NEO1: variants seen among roughly 807,000 people sequenced by gnomAD.
NEO1 encodes the protein neogenin 1, also known as neogenin.
In NEO1, 63 loss-of-function variants were observed where a neutral mutation model predicts 159.7. The ratio of observed to expected loss-of-function variants is 0.39; its 90% CI spans 0.32 to 0.49. The LOEUF (loss-of-function observed/expected upper bound fraction) is 0.49. Among genes scored for constraint, NEO1 ranks in the 20% least tolerant of loss-of-function variants. The pLI is 0.85. For synonymous variants in NEO1, 633 were observed against 662.0 expected (o/e 0.96, Z 0.67); for missense variants, 1,615 against 1,831.0 (o/e 0.88, Z 2.15).
rs771397795 is a variant in NEO1 at position 73,272,570 on chromosome 15, G to C, written c.2965+8G>C. ...CCAATGGCAAAATTACAGGTAAAATGCAATCAAGTGTGCATTTCTTTGTGC... is the reference window on the plus strand; with the variant it reads ...CCAATGGCAAAATTACAGGTAAAATCCAATCAAGTGTGCATTTCTTTGTGC... On this transcript the variant is annotated splice_region_variant and intron_variant, in intron 19 of 28. Transcript: ENST00000261908. 6.4e-7 allele frequency: 1 copy of C among 1,562,780 alleles called. No individual in the cohort carries two copies. Among genetic ancestry groups the C allele is most frequent in the Non-Finnish European group, 8.8e-7 (1 of 1,132,982 alleles).
chr15:73,093,448 C>A (rs1056250191), intron 1 of NEO1, among the ~76,000 whole-genome samples: 1 of 152,086 alleles, frequency 6.6e-6, no homozygotes, highest in Non-Finnish European at 1.5e-5. Context: ...CTTTTTTCTC[C>A]ATTTAAAAAT....
intron 4 of NEO1, among the ~76,000 whole-genome samples, chr15:73,134,592 C>T (rs2031530134): frequency 6.6e-6 from 1 of 151,310 alleles, no homozygotes; most frequent in Admixed American, 6.6e-5. Context: ...GCTCTGTTGC[C>T]CAAGCTGGAG....
intron 21 of NEO1, 68 bp downstream of exon 21, chr15:73,274,792 GTTTC>G (rs1261964404): frequency 2.7e-5 from 33 of 1,210,812 alleles, no homozygotes; most frequent in Non-Finnish European, 3.5e-5. Flanking sequence ...TTTGGTTTTT[GTTTC>G]TTTTTTTTTT....
chr15:73,226,053 C>A (rs1203086369), intron 7 of NEO1, among the ~76,000 whole-genome samples: 1 of 152,168 alleles, frequency 6.6e-6, no homozygotes, highest in Middle Eastern at 3.2e-3. Context: ...CCTCAAACAA[C>A]CTTCAGTTTC....
At chr15:73,057,836 A>G (rs566832577) in intron 1 of NEO1, among the ~76,000 whole-genome samples, 39 of 152,296 alleles carry the variant, frequency 2.6e-4, no homozygotes, top group Middle Eastern at 3.4e-3. Context: ...CTTTGTTGTC[A>G]CATTATCTTT....
chr15:73,264,453 G>A (rs548703631), intron 15 of NEO1, among the ~76,000 whole-genome samples: 22 of 152,334 alleles, frequency 1.4e-4, no homozygotes, highest in Middle Eastern at 3.4e-3. Context: ...TCAAAATAGC[G>A]TTTGAAATAG....
chr15:73,107,008 C>G (rs1482405641), intron 1 of NEO1, among the ~76,000 whole-genome samples: 2 of 152,196 alleles, frequency 1.3e-5, no homozygotes, highest in Non-Finnish European at 2.9e-5. Flanking sequence ...GCTTTACAAA[C>G]TCTTTTGTAG....
chr15:73,075,418 C>T (rs1387999898), intron 1 of NEO1, among the ~76,000 whole-genome samples: 3 of 152,058 alleles, frequency 2.0e-5, no homozygotes, highest in Admixed American at 2.0e-4. Flanking sequence ...CAGTGTGTCT[C>T]AAAGCAGTAT....
chr15:73,162,302 T>G (rs994177530), intron 5 of NEO1: 6 of 213,350 alleles, frequency 2.8e-5, no homozygotes, highest in African/African-American at 1.2e-4. Flanking sequence ...ATGGGTGGTG[T>G]TATTTCAAAG....
intron 24 of NEO1, 110 bp downstream of exon 24, chr15:73,288,661 A>G (rs1464761642): frequency 8.2e-6 from 7 of 848,682 alleles, no homozygotes; most frequent in Non-Finnish European, 9.5e-6. Flanking sequence ...ATATGAGATC[A>G]GATTTAGAGA....
rs2041283594 is a variant in NEO1 at position 73,273,753 on chromosome 15, T to C, written c.2966-58T>C. 53 of 1,355,996 alleles carry C rather than the reference T, an allele frequency of 3.9e-5. No homozygotes were observed. The South Asian group carries it at 6.4e-4, about 16-fold the overall frequency. The allele number at this position is 1,355,996 out of a possible 1,614,324, so 84.0% of individuals were successfully genotyped here. ...ATATAATAGGTACTTATTGATTTAC[T>C]GAAGGCAAAAGGAAAAGCAGGAGTG... On this transcript the variant is annotated intron_variant, in intron 19 of 28. Transcript: ENST00000261908.
intron 1 of NEO1, among the ~76,000 whole-genome samples, chr15:73,103,109 T>C (rs1014887914): frequency 2.0e-5 from 3 of 152,202 alleles, no homozygotes; most frequent in African/African-American, 7.2e-5. Context: ...GCTGCTTTCC[T>C]AAACAGGACT....
intron 1 of NEO1, among the ~76,000 whole-genome samples, chr15:73,075,028 G>C (rs1471823320): frequency 6.6e-6 from 1 of 152,132 alleles, no homozygotes; most frequent in African/African-American, 2.4e-5. Flanking sequence ...CAAAATTACA[G>C]AGTCATAGGA....
intron 9 of NEO1, among the ~76,000 whole-genome samples, chr15:73,247,379 T>A (rs2039849889): frequency 6.6e-6 from 1 of 152,214 alleles, no homozygotes; most frequent in African/African-American, 2.4e-5. Flanking sequence ...TTGCCTACAC[T>A]TGGCCAATGA....
intron 12 of NEO1, among the ~76,000 whole-genome samples, chr15:73,253,855 G>T (rs1261178635): frequency 5.9e-5 from 9 of 152,184 alleles, no homozygotes; most frequent in Admixed American, 5.9e-4. Context: ...TGGTTCCTTA[G>T]TGCTGTGAGA....
In NEO1 at chr15:73,211,610, G is replaced by A. The variant is rs566442101; in HGVS notation, c.1292-24737G>A. Among the ~76,000 whole-genome samples, 3 of 152,278 alleles carry A rather than the reference G, an allele frequency of 2.0e-5. No homozygotes were observed. The South Asian group carries it at 6.2e-4, about 32-fold the overall frequency. On this transcript the variant is annotated intron_variant, in intron 7 of 28. Coordinates refer to ENST00000261908, the MANE Select transcript of NEO1 (RefSeq NM_002499.4). ...CATGCGTGTATTCCCAGCTACTCGG[G>A]AGGCTGAGGCAGGAGAATCACTTGA...
intron 7 of NEO1, among the ~76,000 whole-genome samples, chr15:73,213,186 G>A (rs1231385852): frequency 6.6e-6 from 1 of 152,110 alleles, no homozygotes; most frequent in Non-Finnish European, 1.5e-5. Flanking sequence ...AGGTTTTCAG[G>A]CATGGGCTCT....
intron 5 of NEO1, among the ~76,000 whole-genome samples, chr15:73,147,097 G>A (rs572114681): frequency 1.3e-5 from 2 of 152,266 alleles, no homozygotes; most frequent in East Asian, 3.9e-4. Context: ...GTGATCTTGG[G>A]CAAATTAATT....
At chr15:73,120,323 C>G (rs2071571109) in intron 2 of NEO1, among the ~76,000 whole-genome samples, 1 of 150,654 alleles carries the variant, frequency 6.6e-6, no homozygotes, top group Admixed American at 6.6e-5. Context: ...CTGGGGAGCT[C>G]AAGGTAAAAA....
Sources: allele counts gnomAD v4.1 joint callset (sites outside exome capture counted in the v4.1 genomes callset), GRCh38; gene constraint gnomAD v4.1.1; transcripts MANE v1.5; gene names NCBI Gene and HGNC (gene_info 2026-07-23, HGNC 2026-07-21).